GDF5: variants seen among roughly 807,000 people sequenced by gnomAD.
GDF5 encodes the protein growth/differentiation factor 5.
In GDF5, 17 loss-of-function variants were observed where a neutral mutation model predicts 34.6. The observed-to-expected ratio is 0.49, with a 90% CI of 0.34 to 0.74. GDF5 has a LOEUF of 0.74. Ranked by LOEUF, GDF5 falls within the 30% of genes least tolerant of loss-of-function variation. The pLI is 0.01. For synonymous variants in GDF5, 332 were observed against 290.7 expected, an observed-to-expected ratio of 1.14 and a Z score of -1.44; for missense variants, 616 against 661.2, an observed-to-expected ratio of 0.93 and a Z score of 0.75.
At position 35,434,277 on chromosome 20, in the gene GDF5, G is replaced by A. The variant is rs1291433713; in HGVS notation, c.1138C>T (p.Arg380Trp). 1.2e-6 allele frequency: 2 copies of A among 1,614,170 alleles called. No individual in the cohort carries two copies. The highest frequency in any genetic ancestry group is 1.7e-6 in the Non-Finnish European group (2 of 1,180,038). The change falls in exon 2 of 2, where the codon CGG (arginine) becomes TGG (tryptophan). Residue 380 changes from arginine to tryptophan, a missense_variant. Transcript: ENST00000374369. ...YEYLFSQRRK[R>W]RAPLATRQGK... ...TGGCGAGTGGCCAGTGGGGCCCGCC[G>A]TTTTCGCCGCTGGCTGAACAGGTAC... is the stretch of plus-strand genomic sequence containing the variant.
intron 1 of GDF5, among the ~76,000 whole-genome samples, chr20:35,444,886 C>A (rs1296537451): frequency 1.3e-5 from 2 of 152,130 alleles, no homozygotes; most frequent in South Asian, 2.1e-4. Context: ...GGCCACCGCA[C>A]CCCGTCTAAT....
Position 35,438,205 on chromosome 20 carries a change from C to A in GDF5, c.-277G>T. On this transcript the variant is annotated 5_prime_UTR_variant, in exon 1 of 2. Coordinates refer to ENST00000374369, the MANE Select transcript of GDF5 (RefSeq NM_000557.5). ...CTCGTTCTTGAAAGGAGAAAGCCGA[C>A]CGCCCCCTTTCTCCTGCACAACTGA... is the stretch of plus-strand genomic sequence containing the variant. The A allele has an allele frequency of 2.0e-6, 1 of 506,842 alleles. No individual in the cohort carries two copies. The highest frequency in any genetic ancestry group is 3.6e-5 in the East Asian group (1 of 27,962). 31.4% of individuals were successfully genotyped at this position (506,842 alleles called of 1,614,324 possible).
intron 1 of GDF5, 141 bp from the exon 2 acceptor site, chr20:35,434,924 G>T (rs1417192698): frequency 1.1e-6 from 1 of 899,560 alleles, no homozygotes; most frequent in South Asian, 1.3e-5. Flanking sequence ...GAAGCCAAGA[G>T]CCAAACCACT....
chr20:35,453,913 T>C (rs745848209), intron 1 of GDF5: 3 of 534,420 alleles, frequency 5.6e-6, no homozygotes, highest in African/African-American at 3.9e-5. Context: ...TTACAGTCTC[T>C]ACGCTCAAGC....
intron 1 of GDF5, chr20:35,454,064 A>G (rs1331015653): frequency 3.8e-6 from 2 of 520,864 alleles, no homozygotes; most frequent in African/African-American, 3.9e-5. Flanking sequence ...TGCATTTACC[A>G]GTTTTGTTTT....
upstream of GDF5, among the ~76,000 whole-genome samples, chr20:35,442,422 T>A (rs564554419): frequency 2.6e-5 from 4 of 151,804 alleles, no homozygotes; most frequent in African/African-American, 7.2e-5. Context: ...AGAGAGTGAA[T>A]AAATGAACGA....
At chr20:35,435,205 C>G (rs955080252) in intron 1 of GDF5, 6 of 383,570 alleles carry the variant, frequency 1.6e-5, no homozygotes, top group Non-Finnish European at 2.9e-5. Context: ...AATCCCAGCA[C>G]TTTGGGAGGC....
chr20:35,433,773 G>T lies in GDF5; in HGVS notation c.*136C>A. ...AGCCCAAGTCACACTCAGAGAGCGA[G>T]CAAGCTTATTGGAATCCCCTTTCAC... On this transcript the variant is annotated 3_prime_UTR_variant, in exon 2 of 2. Coordinates refer to ENST00000374369, the MANE Select transcript of GDF5 (RefSeq NM_000557.5). 1 of 818,190 alleles carries T rather than the reference G, an allele frequency of 1.2e-6. No homozygotes were observed. Among genetic ancestry groups the T allele is most frequent in the Non-Finnish European group, 2.1e-6 (1 of 467,650 alleles). 50.7% of individuals were successfully genotyped at this position (818,190 alleles called of 1,614,324 possible). A position where few individuals can be genotyped will look rare whatever the true frequency, so the allele number is the denominator to read the frequency against.
upstream of GDF5, among the ~76,000 whole-genome samples, chr20:35,441,547 C>G (rs556546379): frequency 4.6e-4 from 70 of 151,446 alleles, no homozygotes; most frequent in African/African-American, 1.6e-3. Flanking sequence ...CTCCACCCCC[C>G]GGGTTCAAGT....
At chr20:35,449,637 C>T (rs224346) in intron 1 of GDF5, among the ~76,000 whole-genome samples, 151,605 of 152,266 alleles carry the variant, frequency 1, 75,479 homozygotes, top group Middle Eastern at 1. Context: ...CCTCCCAGTG[C>T]ATAACTCAAC....
At chr20:35,448,871 C>G (rs573651851) in intron 1 of GDF5, among the ~76,000 whole-genome samples, 5 of 152,262 alleles carry the variant, frequency 3.3e-5, no homozygotes, top group South Asian at 2.1e-4. Context: ...AGCTTGGGTA[C>G]GCTGGTCACT....
At chr20:35,435,105 C>T in intron 1 of GDF5, 1 of 601,690 alleles carries the variant, frequency 1.7e-6, no homozygotes, top group South Asian at 2.1e-5. Flanking sequence ...TCTCTCCCAG[C>T]CATGAGCTAA....
intron 1 of GDF5, among the ~76,000 whole-genome samples, chr20:35,453,110 C>T (rs1434726551): frequency 3.3e-5 from 5 of 152,038 alleles, no homozygotes; most frequent in East Asian, 3.9e-4. Flanking sequence ...ATTAGCCGGG[C>T]GTGGTGGCGG....
At chr20:35,437,260 T>G in intron 1 of GDF5, 38 bp downstream of exon 1, 3 of 1,384,572 alleles carry the variant, frequency 2.2e-6, no homozygotes, top group Non-Finnish European at 3.1e-6. Flanking sequence ...CAGATGCCCC[T>G]CCCTCTGAGC....
At chr20:35,446,253 T>G (rs1191087964) in intron 1 of GDF5, among the ~76,000 whole-genome samples, 1 of 151,622 alleles carries the variant, frequency 6.6e-6, no homozygotes, top group Non-Finnish European at 1.5e-5. Flanking sequence ...GAGGTTGCAG[T>G]GAGCTGAGAT....
At chr20:35,442,626 A>T (rs1601078575), upstream of GDF5, among the ~76,000 whole-genome samples, 1 of 147,756 alleles carries the variant, frequency 6.8e-6, no homozygotes, top group Non-Finnish European at 1.5e-5. Flanking sequence ...GCTCATTACA[A>T]CCTCTGCCTC....
rs542560247 is a variant in GDF5, at chr20:35,450,068, C to T, written c.-398+4572G>A. 4.0e-5 allele frequency among the ~76,000 whole-genome samples: 6 copies of T among 151,098 alleles called. No individual in the cohort carries two copies. In the South Asian group the frequency reaches 8.4e-4, roughly 21 times the overall value. On this transcript the variant is annotated intron_variant, in intron 1 of 3. Transcript: ENST00000374372. ...CTGTAATCCCAGCACTTTGGGAAGC[C>T]GAGGTGGGCGGATCACTTGAGGTCA... is the stretch of plus-strand genomic sequence containing the variant.
intron 1 of GDF5, among the ~76,000 whole-genome samples, chr20:35,452,751 T>C (rs1277226088): frequency 6.7e-6 from 1 of 149,220 alleles, no homozygotes; most frequent in Non-Finnish European, 1.5e-5. Context: ...AAATATTGTC[T>C]AGTTTGCTAA....
chr20:35,438,772 T>C (rs2146584593), upstream of GDF5, among the ~76,000 whole-genome samples: 1 of 151,922 alleles, frequency 6.6e-6, no homozygotes, highest in African/African-American at 2.4e-5. Context: ...TCTTAGAGTG[T>C]TTTTAAAGCA....
Sources: allele counts gnomAD v4.1 joint callset (sites outside exome capture counted in the v4.1 genomes callset), GRCh38; gene constraint gnomAD v4.1.1; transcripts MANE v1.5; gene names NCBI Gene and HGNC (gene_info 2026-07-23, HGNC 2026-07-21).